Variants in GRAP2 observed in about 807,000 individuals in gnomAD.
The protein encoded by GRAP2 is GRB2-related adapter protein 2.
GRAP2 carries 31 observed loss-of-function variants against 43.5 expected under a neutral mutation model. That is an observed-to-expected ratio of 0.71 (90% CI 0.54 to 0.96). The LOEUF (loss-of-function observed/expected upper bound fraction) is 0.96. GRAP2 is among the 40% of genes least tolerant of loss of function. The probability of loss-of-function intolerance (pLI) is 0.00; values close to 1 mark genes in which losing one functional copy is unlikely to be tolerated. For missense variants in GRAP2, 371 were observed against 424.4 expected, an observed-to-expected ratio of 0.87 and a Z score of 1.11; for synonymous variants, 156 against 164.8, an observed-to-expected ratio of 0.95 and a Z score of 0.41.
chr22:39,932,041 C>G (rs928492854), intron 1 of GRAP2, among the ~76,000 whole-genome samples: 1 of 152,284 alleles, frequency 6.6e-6, no homozygotes, highest in East Asian at 1.9e-4. Context: ...CATTCTAGAA[C>G]CTTCATACTG....
Position 39,971,030 on chromosome 22 carries a change from GC to G in GRAP2, c.940del (p.His314ThrfsTer15). 6.2e-7 allele frequency: 1 copy of G among 1,613,844 alleles called. No homozygotes were observed. The highest frequency in any genetic ancestry group is 1.3e-5 in the African/African-American group (1 of 75,026). ...ACCCATCCTGGTGGACCGGCCGCCT[GC>G]ACAACAAGCTGGGCCTCTTCCCTGC... is the stretch of plus-strand genomic sequence containing the variant. ...SNPSWWTGRLHNKLGLFPANY... is the reference protein window; with the variant it reads ...SNPSWWTGRLXNKLGLFPANY... On this transcript the variant is annotated frameshift_variant, in exon 8 of 8. Coordinates refer to ENST00000344138, the MANE Select transcript of GRAP2 (RefSeq NM_004810.4). LOFTEE classifies it high-confidence loss of function.
intron 1 of GRAP2, among the ~76,000 whole-genome samples, chr22:39,915,899 G>A (rs2066599009): frequency 6.6e-6 from 1 of 152,094 alleles, no homozygotes; most frequent in South Asian, 2.1e-4. Context: ...ACAAGCTAGG[G>A]GCCTCTCAAC....
intron 6 of GRAP2, among the ~76,000 whole-genome samples, chr22:39,969,049 C>A (rs1029743082): frequency 6.6e-6 from 1 of 152,206 alleles, no homozygotes; most frequent in Non-Finnish European, 1.5e-5. Context: ...ACAGACATTT[C>A]TTCTCTCTGC....
intron 1 of GRAP2, among the ~76,000 whole-genome samples, chr22:39,927,172 C>A (rs1449599254): frequency 2.0e-5 from 3 of 152,072 alleles, no homozygotes; most frequent in Non-Finnish European, 4.4e-5. Context: ...TTAATTCTGC[C>A]CCCCCGGCCA....
intron 5 of GRAP2, 124 bp from the exon 6 acceptor site, chr22:39,967,918 C>T (rs1356085353): frequency 1.6e-6 from 2 of 1,242,318 alleles, no homozygotes; most frequent in African/African-American, 3.0e-5. Flanking sequence ...TTAGCTGCCC[C>T]CACCCCACCA....
intron 1 of GRAP2, among the ~76,000 whole-genome samples, chr22:39,927,822 T>C (rs2066720354): frequency 6.6e-6 from 1 of 152,258 alleles, no homozygotes; most frequent in African/African-American, 2.4e-5. Context: ...AAGGGGACCC[T>C]GTCCTTCTGT....
upstream of GRAP2, among the ~76,000 whole-genome samples, chr22:39,897,655 G>A (rs899687455): frequency 6.6e-6 from 1 of 151,974 alleles, no homozygotes; most frequent in Non-Finnish European, 1.5e-5. Context: ...TAGTAGCTGG[G>A]ATTACAGGCA....
chr22:39,962,750 C>T (rs2067132785), intron 4 of GRAP2, among the ~76,000 whole-genome samples: 3 of 152,084 alleles, frequency 2.0e-5, no homozygotes, highest in South Asian at 2.1e-4. Context: ...CTCCGCCTCC[C>T]AGGTTCAAAG....
intron 1 of GRAP2, among the ~76,000 whole-genome samples, chr22:39,915,712 A>C (rs1316279293): frequency 6.6e-6 from 1 of 152,356 alleles, no homozygotes; most frequent in East Asian, 1.9e-4. Context: ...CAAATGTAAT[A>C]ACGTGTATCA....
intron 1 of GRAP2, among the ~76,000 whole-genome samples, chr22:39,930,564 C>T (rs990965976): frequency 6.6e-6 from 1 of 152,210 alleles, no homozygotes; most frequent in Non-Finnish European, 1.5e-5. Context: ...AGTTCAGGCC[C>T]TCATCATTAC....
At chr22:39,958,759 C>T (rs2067084898) in intron 3 of GRAP2, among the ~76,000 whole-genome samples, 1 of 152,198 alleles carries the variant, frequency 6.6e-6, no homozygotes, top group African/African-American at 2.4e-5. Flanking sequence ...CTCCATTCCT[C>T]TTCCCATCCC....
At chr22:39,952,846 A>G (rs1382677386) in intron 2 of GRAP2, among the ~76,000 whole-genome samples, 1 of 152,178 alleles carries the variant, frequency 6.6e-6, no homozygotes, top group Admixed American at 6.5e-5. Flanking sequence ...ACACTTTCTG[A>G]AGGACTTTCA....
chr22:39,906,259 T>A (rs1450070051), intron 1 of GRAP2, among the ~76,000 whole-genome samples: 1 of 152,186 alleles, frequency 6.6e-6, no homozygotes, highest in Non-Finnish European at 1.5e-5. Flanking sequence ...TATAAGCCAT[T>A]GTCAGATTTA....
chr22:39,934,459 A>G (rs186473456), intron 1 of GRAP2, among the ~76,000 whole-genome samples: 2 of 152,330 alleles, frequency 1.3e-5, no homozygotes. Context: ...AAAAGGCATG[A>G]AGTTCACTTA....
chr22:39,950,894 A>C (rs1235964304), intron 2 of GRAP2, among the ~76,000 whole-genome samples: 1 of 152,162 alleles, frequency 6.6e-6, no homozygotes, highest in Non-Finnish European at 1.5e-5. Context: ...GATCCTCACA[A>C]ATACTTTCAA....
intron 1 of GRAP2, among the ~76,000 whole-genome samples, chr22:39,927,427 A>G (rs1236145895): frequency 6.6e-6 from 1 of 152,230 alleles, no homozygotes; most frequent in African/African-American, 2.4e-5. Flanking sequence ...ACATTTAAAC[A>G]GCTGAAAAGC....
chr22:39,948,544 G>T (rs944164073), intron 2 of GRAP2: 2 of 151,066 alleles, frequency 1.3e-5, no homozygotes, highest in African/African-American at 4.9e-5. Context: ...AAAAAACTTT[G>T]CTCAACTCTG....
intron 2 of GRAP2, among the ~76,000 whole-genome samples, chr22:39,949,146 C>G (rs1160967289): frequency 2.0e-5 from 3 of 152,054 alleles, no homozygotes; most frequent in Admixed American, 6.6e-5. Context: ...TCACTCAAAC[C>G]CCCATGCCCA....
intron 1 of GRAP2, among the ~76,000 whole-genome samples, chr22:39,929,947 G>C (rs569001744): frequency 6.6e-6 from 1 of 152,264 alleles, no homozygotes; most frequent in Admixed American, 6.5e-5. Context: ...GACCTATGCT[G>C]TCCCAAGTAC....
Sources: gnomAD v4.1 joint callset for allele counts (sites outside exome capture counted in the v4.1 genomes callset) on GRCh38, gnomAD v4.1.1 for gene constraint, MANE v1.5 for transcripts, NCBI Gene and HGNC (gene_info 2026-07-23, HGNC 2026-07-21) for gene names.